CTNNA2: variants seen among roughly 807,000 people sequenced by gnomAD.
CTNNA2 encodes the protein catenin alpha 2.
Under a neutral mutation model 101.0 loss-of-function variants are expected in CTNNA2, and 42 were observed. That is an observed-to-expected ratio of 0.42 (90% CI 0.32 to 0.54). The LOEUF is 0.54. Among genes scored for constraint, CTNNA2 ranks in the 20% least tolerant of loss-of-function variants. The pLI, the probability that CTNNA2 is intolerant of heterozygous loss-of-function variation, is 0.14. For missense variants in CTNNA2, 871 were observed against 1,223.1 expected, an observed-to-expected ratio of 0.71 and a Z score of 4.29; for synonymous variants, 450 against 456.4, an observed-to-expected ratio of 0.99 and a Z score of 0.18.
chr2:79,240,249 A>G (rs954775106), intron 2 of CTNNA2, among the ~76,000 whole-genome samples: 1 of 151,346 alleles, frequency 6.6e-6, no homozygotes, highest in African/African-American at 2.4e-5. Flanking sequence ...TTTCTGGGGT[A>G]CATGTGCAGA....
At chr2:80,394,822 T>C (rs999417028) in intron 8 of CTNNA2, among the ~76,000 whole-genome samples, 1 of 152,156 alleles carries the variant, frequency 6.6e-6, no homozygotes, top group Non-Finnish European at 1.5e-5. Flanking sequence ...CTCATTCCTA[T>C]GTCAGAGGTC....
intron 7 of CTNNA2, among the ~76,000 whole-genome samples, chr2:80,353,253 G>A (rs909817004): frequency 2.6e-5 from 4 of 151,886 alleles, no homozygotes; most frequent in African/African-American, 9.7e-5. Context: ...AGGGAAGGGG[G>A]TAATTTTCAA....
At position 79,909,755 on chromosome 2, in the gene CTNNA2, G is replaced by A. The variant is rs774289435; in HGVS notation, c.1014G>A (p.Val338=). The A allele has an allele frequency of 3.7e-6, 6 of 1,612,996 alleles. No individual in the cohort carries two copies. The highest frequency in any genetic ancestry group is 4.2e-6 in the Non-Finnish European group (5 of 1,179,436). The stretch of plus-strand genomic sequence containing the variant: ...GGATCGTGGCGGAGTGCAACGCCGT[G>A]CGGCAGGCGCTCCAGGACCTGCTCA... The part of the protein sequence containing the change: ...RERIVAECNA[V]RQALQDLLSE... The change falls in exon 7 of 19, where the codon GTG becomes GTA. Residue 338 remains valine, a synonymous_variant. Coordinates refer to ENST00000402739, the MANE Select transcript of CTNNA2 (RefSeq NM_001282597.3).
At chr2:79,292,353 C>G (rs1027683681) in intron 2 of CTNNA2, among the ~76,000 whole-genome samples, 1 of 152,170 alleles carries the variant, frequency 6.6e-6, no homozygotes, top group African/African-American at 2.4e-5. Flanking sequence ...CCATAGTTCA[C>G]TCTGCAGTCA....
intron 2 of CTNNA2, among the ~76,000 whole-genome samples, chr2:79,252,428 G>A (rs1674784859): frequency 6.6e-6 from 1 of 151,754 alleles, no homozygotes. Flanking sequence ...CTGGTTTTGT[G>A]GTTTTTCTAT....
At chr2:80,484,244 G>T (rs1026284592) in intron 9 of CTNNA2, among the ~76,000 whole-genome samples, 30 of 152,056 alleles carry the variant, frequency 2.0e-4, no homozygotes, top group Admixed American at 4.6e-4. Context: ...AGCAAGATTT[G>T]TGATACTGAT....
intron 7 of CTNNA2, among the ~76,000 whole-genome samples, chr2:80,349,383 T>C (rs1184871175): frequency 1.3e-5 from 2 of 152,270 alleles, no homozygotes; most frequent in Non-Finnish European, 2.9e-5. Context: ...CGTTTGTGTA[T>C]TGGGGATGGG....
At chr2:80,291,999 C>A (rs1675305971) in intron 7 of CTNNA2, among the ~76,000 whole-genome samples, 2 of 152,148 alleles carry the variant, frequency 1.3e-5, no homozygotes, top group South Asian at 4.1e-4. Flanking sequence ...GACTTCACTG[C>A]CTCCATATCC....
At chr2:80,243,797 G>A (rs1162542934) in intron 7 of CTNNA2, among the ~76,000 whole-genome samples, 1 of 152,182 alleles carries the variant, frequency 6.6e-6, no homozygotes, top group African/African-American at 2.4e-5. Context: ...GCTACTCTTG[G>A]GTAGGTACCT....
intron 1 of CTNNA2, among the ~76,000 whole-genome samples, chr2:79,602,271 T>C (rs1677600844): frequency 6.6e-6 from 1 of 152,148 alleles, no homozygotes; most frequent in Non-Finnish European, 1.5e-5. Flanking sequence ...CAGATTAAAA[T>C]ATGGTTTGAA....
intron 2 of CTNNA2, among the ~76,000 whole-genome samples, chr2:79,661,860 A>T (rs1337409366): frequency 6.6e-6 from 1 of 152,082 alleles, no homozygotes; most frequent in African/African-American, 2.4e-5. Flanking sequence ...TACAGATTAA[A>T]AAAAAGATAG....
chr2:79,329,749 A>T (rs1246571867), intron 3 of CTNNA2, among the ~76,000 whole-genome samples: 1 of 152,182 alleles, frequency 6.6e-6, no homozygotes, highest in Non-Finnish European at 1.5e-5. Flanking sequence ...TCTTCAGCTA[A>T]AGTGTCTTAT....
chr2:79,872,331 A>G (rs1434824618), intron 5 of CTNNA2, among the ~76,000 whole-genome samples: 2 of 151,774 alleles, frequency 1.3e-5, no homozygotes, highest in African/African-American at 2.4e-5. Flanking sequence ...TTATGGAGAG[A>G]TTTTCACAAC....
intron 9 of CTNNA2, among the ~76,000 whole-genome samples, chr2:80,421,767 A>G (rs187042744): frequency 6.7e-6 from 1 of 148,512 alleles, no homozygotes; most frequent in Non-Finnish European, 1.5e-5. Context: ...CTGTGTGACT[A>G]GGGAGTAACT....
intron 13 of CTNNA2, chr2:80,575,308 T>A (rs1694942799): frequency 6.6e-6 from 1 of 152,124 alleles, no homozygotes; most frequent in African/African-American, 2.4e-5. Context: ...AAAGATGAAA[T>A]TAATTATAAT....
chr2:80,324,862 G>A (rs1354913965), intron 7 of CTNNA2, among the ~76,000 whole-genome samples: 5 of 151,794 alleles, frequency 3.3e-5, no homozygotes, highest in South Asian at 2.1e-4. Context: ...TCTCCTTTTC[G>A]TCACTCAAGT....
chr2:79,264,824 T>A (rs1036257194), intron 2 of CTNNA2, among the ~76,000 whole-genome samples: 1 of 152,176 alleles, frequency 6.6e-6, no homozygotes, highest in African/African-American at 2.4e-5. Flanking sequence ...AGGAACCTAT[T>A]TGAAGCTACT....
At chr2:79,778,791 C>T (rs1674202026) in intron 3 of CTNNA2, among the ~76,000 whole-genome samples, 1 of 152,114 alleles carries the variant, frequency 6.6e-6, no homozygotes, top group African/African-American at 2.4e-5. Context: ...AAGAAGTAGG[C>T]AAAGTTGTTT....
chr2:80,613,409 G>A (rs916722480), intron 17 of CTNNA2, among the ~76,000 whole-genome samples: 1 of 151,322 alleles, frequency 6.6e-6, no homozygotes, highest in Non-Finnish European at 1.5e-5. Context: ...GAAGAAATGG[G>A]AAGTTAATAG....
Sources: gnomAD v4.1 joint callset for allele counts (sites outside exome capture counted in the v4.1 genomes callset) on GRCh38, gnomAD v4.1.1 for gene constraint, MANE v1.5 for transcripts, NCBI Gene and HGNC (gene_info 2026-07-23, HGNC 2026-07-21) for gene names.